Variants in SCFD2 observed in about 807,000 individuals in gnomAD.
The protein encoded by SCFD2 is sec1 family domain containing 2, also known as sec1 family domain-containing protein 2.
Under a neutral mutation model 58.9 loss-of-function variants are expected in SCFD2, and 54 were observed. The observed-to-expected ratio is 0.92, with a 90% CI of 0.74 to 1.15. The LOEUF is 1.15. Among genes scored for constraint, SCFD2 ranks in the 50% most tolerant of loss-of-function variants. SCFD2 has a pLI of 0.00. For synonymous variants in SCFD2, 321 were observed against 335.9 expected (o/e 0.96, Z 0.49); for missense variants, 805 against 836.6 (o/e 0.96, Z 0.47).
chr4:53,351,949 A>G (rs1734232580), intron 2 of SCFD2, among the ~76,000 whole-genome samples: 1 of 152,196 alleles, frequency 6.6e-6, no homozygotes, highest in Non-Finnish European at 1.5e-5. Context: ...ATACACTTAC[A>G]TACTTTTTTC....
At chr4:53,040,110 T>C (rs62338965) in intron 5 of SCFD2, among the ~76,000 whole-genome samples, 26,657 of 152,146 alleles carry the variant, frequency 0.18, 2,705 homozygotes, top group Admixed American at 0.26. Flanking sequence ...ACAAATGCAG[T>C]GGGTGAGTAT....
intron 4 of SCFD2, among the ~76,000 whole-genome samples, chr4:53,270,321 TAAA>T (rs35987744): frequency 2.7e-5 from 4 of 148,138 alleles, no homozygotes; most frequent in African/African-American, 9.9e-5. Flanking sequence ...AATGCATCAC[TAAA>T]AAAAAAATAC....
chr4:53,261,637 C>A (rs1312220799), intron 4 of SCFD2, among the ~76,000 whole-genome samples: 1 of 152,064 alleles, frequency 6.6e-6, no homozygotes, highest in African/African-American at 2.4e-5. Flanking sequence ...GTTTTGTGGC[C>A]TATCATATAG....
chr4:53,192,300 T>C (rs1283892800), intron 4 of SCFD2, among the ~76,000 whole-genome samples: 1 of 152,194 alleles, frequency 6.6e-6, no homozygotes, highest in Non-Finnish European at 1.5e-5. Context: ...CTGTATATAG[T>C]CTAGTACCTT....
chr4:53,302,940 A>G (rs1732367215), intron 3 of SCFD2, among the ~76,000 whole-genome samples: 1 of 152,226 alleles, frequency 6.6e-6, no homozygotes, highest in Admixed American at 6.5e-5. Context: ...CACCTTACAC[A>G]AAAATTAATT....
chr4:52,993,917 T>A (rs3849653), intron 5 of SCFD2, among the ~76,000 whole-genome samples: 84,290 of 152,154 alleles, frequency 0.55, 23,560 homozygotes, highest in African/African-American at 0.64. Flanking sequence ...TGGGGGCGTG[T>A]ACTGCAGGTC....
rs144150348 is a variant in SCFD2 at position 52,944,429 on chromosome 4, G to A, written c.1562-23559C>T. Among the ~76,000 whole-genome samples the A allele has an allele frequency of 3.5e-4, 53 of 152,280 alleles. 1 individual carries two copies. Among genetic ancestry groups the A allele is most frequent in the African/African-American group, 1.2e-3 (49 of 41,570 alleles). ...GGACTTAAGAGAAGAACCATGACAAGTAGGGTTAAAACCACTAAAGGAAGA... is the reference window on the plus strand; with the variant it reads ...GGACTTAAGAGAAGAACCATGACAAATAGGGTTAAAACCACTAAAGGAAGA... On this transcript the variant is annotated intron_variant, in intron 5 of 8. Transcript: ENST00000401642.
intron 3 of SCFD2, among the ~76,000 whole-genome samples, chr4:53,281,053 C>A (rs1410926949): frequency 6.6e-6 from 1 of 152,196 alleles, no homozygotes; most frequent in Non-Finnish European, 1.5e-5. Context: ...TGCGGCCGTG[C>A]GCCCTGTTTT....
intron 3 of SCFD2, among the ~76,000 whole-genome samples, chr4:53,301,755 G>T (rs1732308952): frequency 6.6e-6 from 1 of 152,144 alleles, no homozygotes; most frequent in African/African-American, 2.4e-5. Flanking sequence ...TATCCACCAT[G>T]ATCAAGTGGG....
At chr4:53,330,142 G>A (rs917757622) in intron 2 of SCFD2, among the ~76,000 whole-genome samples, 13 of 152,202 alleles carry the variant, frequency 8.5e-5, no homozygotes, top group Non-Finnish European at 1.3e-4. Context: ...AAGTGATGGG[G>A]AGAATGGAAC....
At chr4:53,212,883 C>T (rs997886899) in intron 4 of SCFD2, among the ~76,000 whole-genome samples, 37 of 151,526 alleles carry the variant, frequency 2.4e-4, no homozygotes, top group Non-Finnish European at 4.9e-4. Context: ...CACATTATTT[C>T]TTCTATCTTG....
At chr4:53,180,505 T>A (rs904244977) in intron 4 of SCFD2, among the ~76,000 whole-genome samples, 4 of 151,566 alleles carry the variant, frequency 2.6e-5, no homozygotes, top group African/African-American at 9.7e-5. Flanking sequence ...CAAAGCAGTG[T>A]GTAGAGGGAA....
chr4:53,206,886 T>C (rs1297185767), intron 4 of SCFD2, among the ~76,000 whole-genome samples: 1 of 152,092 alleles, frequency 6.6e-6, no homozygotes, highest in Non-Finnish European at 1.5e-5. Context: ...TCTTAGTCCA[T>C]TTTCTGTTGC....
chr4:53,286,336 T>C (rs1001585040), intron 3 of SCFD2, among the ~76,000 whole-genome samples: 2 of 152,078 alleles, frequency 1.3e-5, no homozygotes, highest in Admixed American at 6.5e-5. Context: ...CCTAAGCTGA[T>C]GTAGCACCCA....
chr4:53,101,228 A>G (rs1354893214), intron 5 of SCFD2, among the ~76,000 whole-genome samples: 1 of 152,178 alleles, frequency 6.6e-6, no homozygotes, highest in African/African-American at 2.4e-5. Context: ...GCTGTATATG[A>G]ACCTAGTCAA....
chr4:52,985,023 G>A (rs979178611), intron 5 of SCFD2, among the ~76,000 whole-genome samples: 2 of 152,184 alleles, frequency 1.3e-5, no homozygotes, highest in African/African-American at 4.8e-5. Flanking sequence ...AAAAGCTATG[G>A]GGAATTTTGA....
At chr4:53,271,434 A>T (rs2149066074) in intron 4 of SCFD2, among the ~76,000 whole-genome samples, 1 of 81,154 alleles carries the variant, frequency 1.2e-5, no homozygotes, top group Middle Eastern at 6.4e-3. Context: ...TACATACATC[A>T]CTTTATTTAT....
At chr4:53,216,163 A>C (rs1301431267) in intron 4 of SCFD2, among the ~76,000 whole-genome samples, 2 of 152,164 alleles carry the variant, frequency 1.3e-5, no homozygotes, top group African/African-American at 4.8e-5. Context: ...GGCCTCATAA[A>C]ATGAGTTAGG....
At chr4:53,115,780 T>C (rs1166248854) in intron 5 of SCFD2, among the ~76,000 whole-genome samples, 2 of 152,174 alleles carry the variant, frequency 1.3e-5, no homozygotes, top group Non-Finnish European at 2.9e-5. Context: ...CATAAAACTC[T>C]CTTCAATAGA....
Sources: gnomAD v4.1 joint callset for allele counts (sites outside exome capture counted in the v4.1 genomes callset) on GRCh38, gnomAD v4.1.1 for gene constraint, MANE v1.5 for transcripts, NCBI Gene and HGNC (gene_info 2026-07-23, HGNC 2026-07-21) for gene names.